The following ESF1 variants were observed in gnomAD, a reference collection of about 807,000 sequenced individuals.
ESF1 encodes the protein ESF1 nucleolar pre-rRNA processing protein, also known as ESF1 homolog.
ESF1 carries 58 observed loss-of-function variants against 92.0 expected under a neutral mutation model. That is an observed-to-expected ratio of 0.63 (90% confidence interval 0.51 to 0.78). The LOEUF is 0.78. ESF1 is among the 30% of genes least tolerant of loss of function. ESF1 has a pLI of 0.00. For synonymous variants in ESF1, 321 were observed against 313.7 expected (o/e 1.02, Z -0.24); for missense variants, 922 against 989.1 (o/e 0.93, Z 0.91).
intron 11 of ESF1, among the ~76,000 whole-genome samples, chr20:13,724,025 G>C (rs1311691134): frequency 1.3e-5 from 2 of 152,204 alleles, no homozygotes; most frequent in Non-Finnish European, 2.9e-5. Context: ...TGGGTGTGGT[G>C]GCTCACGCCT....
intron 9 of ESF1, among the ~76,000 whole-genome samples, chr20:13,748,564 ATGTGTG>A (rs71188183): frequency 0.023 from 2,687 of 119,398 alleles, 92 homozygotes; most frequent in African/African-American, 0.065. Flanking sequence ...ATATATATAT[ATGTGTG>A]TGTGTATATA....
chr20:13,761,185 T>C (rs372742217), intron 8 of ESF1, among the ~76,000 whole-genome samples: 2 of 152,106 alleles, frequency 1.3e-5, no homozygotes, highest in Non-Finnish European at 2.9e-5. Context: ...GAAGGCAACA[T>C]GCTCATTAAG....
chr20:13,755,038 T>G (rs1320397954), intron 9 of ESF1, among the ~76,000 whole-genome samples: 1 of 152,240 alleles, frequency 6.6e-6, no homozygotes, highest in East Asian at 1.9e-4. Flanking sequence ...CAAATATGTT[T>G]CTTATATATC....
chr20:13,769,156 G>A (rs1213953161), intron 7 of ESF1, among the ~76,000 whole-genome samples: 2 of 151,808 alleles, frequency 1.3e-5, no homozygotes, highest in Non-Finnish European at 2.9e-5. Flanking sequence ...TATTCCCTAG[G>A]ATATTAATAA....
intron 10 of ESF1, among the ~76,000 whole-genome samples, chr20:13,731,522 A>T (rs1196803505): frequency 8.8e-6 from 1 of 113,654 alleles, no homozygotes; most frequent in African/African-American, 3.5e-5. Context: ...ACAGAGCGAG[A>T]CTCGGTCTCA....
intron 8 of ESF1, among the ~76,000 whole-genome samples, chr20:13,764,186 A>G (rs1249014956): frequency 1.3e-5 from 2 of 152,254 alleles, no homozygotes; most frequent in South Asian, 2.1e-4. Context: ...AAATACTTTT[A>G]TCTATGTTTA....
chr20:13,743,338 C>A (rs2183187), intron 9 of ESF1, among the ~76,000 whole-genome samples: 111,533 of 152,026 alleles, frequency 0.73, 41,295 homozygotes, highest in East Asian at 0.9. Context: ...CAAAAACTTA[C>A]AAACAGAACT....
intron 9 of ESF1, among the ~76,000 whole-genome samples, chr20:13,741,090 GCC>G (rs1568715130): frequency 6.6e-6 from 1 of 151,960 alleles, no homozygotes; most frequent in Non-Finnish European, 1.5e-5. Flanking sequence ...ACTGCAAAAA[GCC>G]CCTAATCATC....
chr20:13,746,545 A>C (rs1265454831), intron 9 of ESF1, among the ~76,000 whole-genome samples: 1 of 152,060 alleles, frequency 6.6e-6, no homozygotes, highest in Non-Finnish European at 1.5e-5. Context: ...TGCTATCCCA[A>C]ATTTCATTAT....
chr20:13,768,592 A>C (rs1447609794), intron 7 of ESF1, among the ~76,000 whole-genome samples: 2 of 106,690 alleles, frequency 1.9e-5, no homozygotes, highest in Non-Finnish European at 3.7e-5. Flanking sequence ...CAAAAAAAGC[A>C]AAAAAAAAGA....
intron 8 of ESF1, among the ~76,000 whole-genome samples, chr20:13,764,862 G>A (rs998207732): frequency 1.3e-5 from 2 of 151,588 alleles, no homozygotes; most frequent in East Asian, 1.9e-4. Context: ...GTTCAAACCC[G>A]TGTTGTTCAA....
chr20:13,775,890 CATCTTT>C lies in ESF1; in HGVS notation c.1012_1017del (p.Lys338_Asp339del), dbSNP rs777856606. The stretch of plus-strand genomic sequence containing the variant: ...AAGGTTACCTCATCAGCACGAGGAG[CATCTTT>C]ATCTAATTCTCTCCAAGCATGCTCA... On this transcript the variant is annotated inframe_deletion, in exon 3 of 14. Transcript: ENST00000617257. 316 of 1,607,410 alleles carry C rather than the reference CATCTTT, an allele frequency of 2.0e-4. No individual in the cohort carries two copies. Among genetic ancestry groups the C allele is most frequent in the Non-Finnish European group, 2.5e-4 (300 of 1,177,214 alleles).
At chr20:13,743,392 G>A (rs1352408242) in intron 9 of ESF1, among the ~76,000 whole-genome samples, 1 of 152,102 alleles carries the variant, frequency 6.6e-6, no homozygotes, top group African/African-American at 2.4e-5. Flanking sequence ...ATATCCAAAG[G>A]AAATGAAATC....
intron 3 of ESF1, among the ~76,000 whole-genome samples, chr20:13,775,659 T>C (rs1387650553): frequency 6.6e-6 from 1 of 152,180 alleles, no homozygotes; most frequent in Non-Finnish European, 1.5e-5. Context: ...ATTAAAAATT[T>C]CATGCAACTT....
chr20:13,717,353 G>A lies in ESF1; in HGVS notation c.2262+15C>T. 1.2e-6 allele frequency: 2 copies of A among 1,613,060 alleles called. No homozygotes were observed. The highest frequency in any genetic ancestry group is 1.7e-6 in the Non-Finnish European group (2 of 1,179,468). ...ATTCCAGCTTTAAGAGGCTATGCCT[G>A]GTGTCTATGGTTACCTCAAAGTCAT... On this transcript the variant is annotated intron_variant, in intron 13 of 13. Transcript: ENST00000617257.
Position 13,782,398 on chromosome 20 carries a change from T to C in ESF1, c.637+106A>G, listed in dbSNP as rs565609511. The C allele has an allele frequency of 1.1e-5, 11 of 965,986 alleles. No individual in the cohort carries two copies. In the South Asian group the frequency reaches 2.9e-4, roughly 26 times the overall value. 59.8% of individuals were successfully genotyped at this position (965,986 alleles called of 1,614,324 possible). Reference sequence around the variant, plus strand: ...GTATTTCCAGATAAGCATTTGACCATTCCATAATACTATGAAAATACTTAT... The same window carrying C: ...GTATTTCCAGATAAGCATTTGACCACTCCATAATACTATGAAAATACTTAT... On this transcript the variant is annotated intron_variant, in intron 2 of 13. Transcript: ENST00000617257.
chr20:13,766,654 A>T, intron 8 of ESF1, 123 bp downstream of exon 8: 1 of 833,128 alleles, frequency 1.2e-6, no homozygotes, highest in Non-Finnish European at 1.7e-6. Flanking sequence ...AAAATCAATC[A>T]CTATCTACAG....
At chr20:13,717,553 CT>C (rs36051769) in intron 12 of ESF1, 39 bp from the exon 13 acceptor site, 6 of 1,604,286 alleles carry the variant, frequency 3.7e-6, no homozygotes, top group Admixed American at 1.7e-5. Context: ...TACAACAGTG[CT>C]TTTTTTTCCA....
At chr20:13,759,992 TGAAA>T in intron 8 of ESF1, 139 bp from the exon 9 acceptor site, 5 of 1,339,920 alleles carry the variant, frequency 3.7e-6, no homozygotes, top group Non-Finnish European at 4.8e-6. Context: ...GAATATTAAA[TGAAA>T]GACTTAGGGT....
Sources: gnomAD v4.1 joint callset for allele counts (sites outside exome capture counted in the v4.1 genomes callset) on GRCh38, gnomAD v4.1.1 for gene constraint, MANE v1.5 for transcripts, NCBI Gene and HGNC (gene_info 2026-07-23, HGNC 2026-07-21) for gene names.